Variants in MALRD1 observed in about 807,000 individuals in gnomAD.
The protein encoded by MALRD1 is MAM and LDL-receptor class A domain-containing protein 1.
A neutral mutation model predicts 242.1 loss-of-function variants in MALRD1; 247 were observed. The observed-to-expected ratio is 1.02, with a 90% CI of 0.92 to 1.13. MALRD1 has a LOEUF of 1.13. Among genes scored for constraint, MALRD1 ranks in the 50% most tolerant of loss-of-function variants. MALRD1 has a pLI of 0.00. For synonymous variants in MALRD1, 995 were observed against 866.6 expected (o/e 1.15, Z -2.60); for missense variants, 2,989 against 2,533.1 (o/e 1.18, Z -3.86).
chr10:19,481,915 C>G (rs1837010487), intron 29 of MALRD1, among the ~76,000 whole-genome samples: 1 of 152,016 alleles, frequency 6.6e-6, no homozygotes, highest in Admixed American at 6.6e-5. Context: ...TACTGTTTTA[C>G]TAATAACTTT....
At chr10:19,709,654 A>G (rs1834019149) in intron 38 of MALRD1, among the ~76,000 whole-genome samples, 1 of 152,190 alleles carries the variant, frequency 6.6e-6, no homozygotes, top group South Asian at 2.1e-4. Flanking sequence ...GTAACTTGGC[A>G]TTAAATCTTT....
rs1302093307 is a variant in MALRD1, at chr10:19,205,045, G to A, written c.2358G>A (p.Gln786=). ...EATIQLGRLS[Q]PFHLSLDKVS... is the part of the protein sequence containing the mutation. ...CCATTCAGCTAGGGCGCCTTTCGCA[G>A]CCCTTCCATTTGTCACTAGATAAAG... The change falls in exon 17 of 40, where the codon CAG becomes CAA. Residue 786 remains glutamine (Q), a synonymous_variant. Transcript: ENST00000454679. The A allele has an allele frequency of 6.4e-7, 1 of 1,550,744 alleles. No individual in the cohort carries two copies. The highest frequency in any genetic ancestry group is 8.7e-7 in the Non-Finnish European group (1 of 1,147,020).
intron 36 of MALRD1, among the ~76,000 whole-genome samples, chr10:19,687,736 G>A (rs969388396): frequency 5.3e-5 from 8 of 151,946 alleles, no homozygotes; most frequent in South Asian, 2.1e-4. Context: ...AACTAATTTC[G>A]CTTTTGGCCA....
At chr10:19,546,126 A>G (rs1229680906) in intron 32 of MALRD1, among the ~76,000 whole-genome samples, 1 of 152,100 alleles carries the variant, frequency 6.6e-6, no homozygotes, top group Non-Finnish European at 1.5e-5. Flanking sequence ...GTTTTTCACA[A>G]CTGTCTGGTT....
At chr10:19,509,595 A>G (rs1007204948) in intron 31 of MALRD1, among the ~76,000 whole-genome samples, 1 of 152,134 alleles carries the variant, frequency 6.6e-6, no homozygotes. Context: ...CATAGTGGAT[A>G]TATTTGGTCT....
intron 30 of MALRD1, among the ~76,000 whole-genome samples, chr10:19,495,661 GACAA>G (rs1297498747): frequency 1.3e-5 from 2 of 151,304 alleles, no homozygotes; most frequent in Admixed American, 6.6e-5. Context: ...TAAGCAACCA[GACAA>G]ACAAATCTGC....
At chr10:19,443,545 A>T (rs1232423586) in intron 28 of MALRD1, among the ~76,000 whole-genome samples, 1 of 152,206 alleles carries the variant, frequency 6.6e-6, no homozygotes, top group East Asian at 1.9e-4. Flanking sequence ...GGTTTCAAAG[A>T]ACATCTTTAT....
In MALRD1 at chr10:19,729,721, C is replaced by CTTTT. The variant is rs35279728; in HGVS notation, c.6315-955_6315-952dup. On this transcript the variant is annotated intron_variant, in intron 38 of 39. Transcript: ENST00000454679. ...GTGTCTTCTAATAAGTCTATTAATT[C>CTTTT]TTTTTTTTTTTTTTTTTTTTTTTTT... Among the ~76,000 whole-genome samples, 140 of 40,720 alleles carry CTTTT rather than the reference C, an allele frequency of 3.4e-3. 13 individuals carry two copies. Among genetic ancestry groups the CTTTT allele is most frequent in the East Asian group, 6.2e-3 (7 of 1,138 alleles). The allele number at this position is 40,720 out of a possible 152,430, so 26.7% of individuals were successfully genotyped here. A position where few individuals can be genotyped will look rare whatever the true frequency, so the allele number is the denominator to read the frequency against.
At chr10:19,566,882 T>C (rs1293543625) in intron 32 of MALRD1, among the ~76,000 whole-genome samples, 2 of 152,080 alleles carry the variant, frequency 1.3e-5, no homozygotes, top group Admixed American at 1.3e-4. Context: ...TTTTTTTAAA[T>C]TATTTGTACT....
At chr10:19,528,426 C>T (rs549759579) in intron 31 of MALRD1, among the ~76,000 whole-genome samples, 1 of 152,112 alleles carries the variant, frequency 6.6e-6, no homozygotes, top group Non-Finnish European at 1.5e-5. Context: ...AACCCCATCT[C>T]TACCAAAAAT....
At chr10:19,383,911 T>C (rs1845943206) in intron 26 of MALRD1, among the ~76,000 whole-genome samples, 1 of 151,922 alleles carries the variant, frequency 6.6e-6, no homozygotes, top group Non-Finnish European at 1.5e-5. Flanking sequence ...GTGAGTGCTA[T>C]GATATGGGAA....
Position 19,432,419 on chromosome 10 carries a change from A to G in MALRD1, c.4846-17888A>G, listed in dbSNP as rs191997064. 5.7e-4 allele frequency among the ~76,000 whole-genome samples: 87 copies of G among 152,344 alleles called. 1 individual carries two copies. The East Asian group carries it at 0.016, about 28-fold the overall frequency. On this transcript the variant is annotated intron_variant, in intron 28 of 39. Transcript: ENST00000454679. ...TTACCTATATCAGAGAAAGAATCTGAAATCTATTAGTTGGATAGGGAAGTT... is the reference window on the plus strand; with the variant it reads ...TTACCTATATCAGAGAAAGAATCTGGAATCTATTAGTTGGATAGGGAAGTT...
chr10:19,526,293 A>G (rs1834096590), intron 31 of MALRD1, among the ~76,000 whole-genome samples: 1 of 151,850 alleles, frequency 6.6e-6, no homozygotes, highest in African/African-American at 2.4e-5. Flanking sequence ...TAGTTTCTGG[A>G]TAATTCATGA....
chr10:19,558,678 G>A (rs985192458), intron 32 of MALRD1, among the ~76,000 whole-genome samples: 1 of 152,066 alleles, frequency 6.6e-6, no homozygotes, highest in Admixed American at 6.6e-5. Context: ...CATGAGAAAT[G>A]TTGGTCTGTA....
rs116336292 is a variant in MALRD1 at position 19,316,252 on chromosome 10, C to A, written c.3420-7697C>A. Reference sequence around the variant, plus strand: ...CATACAGTTTAGTTAAAGACTTCACCTTGAATCAGTAAAGATGTAGTGAAC... The same window carrying A: ...CATACAGTTTAGTTAAAGACTTCACATTGAATCAGTAAAGATGTAGTGAAC... On this transcript the variant is annotated intron_variant, in intron 21 of 39. Coordinates refer to ENST00000454679, the MANE Select transcript of MALRD1 (RefSeq NM_001142308.3). Among the ~76,000 whole-genome samples, 740 of 151,754 alleles carry A rather than the reference C, an allele frequency of 4.9e-3. 3 individuals carry two copies. Among genetic ancestry groups the A allele is most frequent in the African/African-American group, 0.017 (707 of 41,426 alleles).
intron 20 of MALRD1, among the ~76,000 whole-genome samples, chr10:19,281,302 G>A (rs1160763001): frequency 1.3e-5 from 2 of 152,126 alleles, no homozygotes; most frequent in Non-Finnish European, 2.9e-5. Context: ...GAAGGCATTC[G>A]AATCCCCTTA....
chr10:19,151,815 T>C (rs1185220015), intron 11 of MALRD1, among the ~76,000 whole-genome samples: 1 of 152,208 alleles, frequency 6.6e-6, no homozygotes, highest in Admixed American at 6.5e-5. Context: ...ATAAGGTAAA[T>C]TGATTTTTTA....
intron 32 of MALRD1, among the ~76,000 whole-genome samples, chr10:19,540,609 C>T (rs888045213): frequency 6.6e-5 from 10 of 152,088 alleles, no homozygotes; most frequent in Non-Finnish European, 1.0e-4. Flanking sequence ...TGTTAATGAG[C>T]TGCTAAAAAG....
At chr10:19,504,974 G>A (rs977888204) in intron 31 of MALRD1, among the ~76,000 whole-genome samples, 3 of 152,032 alleles carry the variant, frequency 2.0e-5, no homozygotes, top group Admixed American at 6.6e-5. Context: ...GAGCCACCGC[G>A]CCCGGCCTGT....
Sources: allele counts gnomAD v4.1 joint callset (sites outside exome capture counted in the v4.1 genomes callset), GRCh38; gene constraint gnomAD v4.1.1; transcripts MANE v1.5; gene names NCBI Gene and HGNC (gene_info 2026-07-23, HGNC 2026-07-21).